Variants in CHRDL2 observed in about 807,000 individuals in gnomAD.
The protein encoded by CHRDL2 is chordin like 2, also known as chordin-like protein 2.
A neutral mutation model predicts 54.3 loss-of-function variants in CHRDL2; 41 were observed. The observed-to-expected ratio is 0.76, with a 90% CI of 0.59 to 0.98. The LOEUF (loss-of-function observed/expected upper bound fraction) is 0.98. CHRDL2 is among the 50% of genes least tolerant of loss of function. The probability of loss-of-function intolerance (pLI) is 0.00; values close to 1 mark genes in which losing one functional copy is unlikely to be tolerated. For missense variants in CHRDL2, 518 were observed against 562.4 expected (o/e 0.92, Z 0.80); for synonymous variants, 220 against 224.3 (o/e 0.98, Z 0.17).
chr11:74,700,649 T>A (rs547350333), intron 9 of CHRDL2, among the ~76,000 whole-genome samples: 112 of 141,436 alleles, frequency 7.9e-4, no homozygotes, highest in East Asian at 4.1e-3. Flanking sequence ...TATTATTTTT[T>A]TTTTTTTGAG....
chr11:74,703,909 C>T (rs1266921311), intron 7 of CHRDL2, among the ~76,000 whole-genome samples: 1 of 152,154 alleles, frequency 6.6e-6, no homozygotes, highest in Non-Finnish European at 1.5e-5. Flanking sequence ...TCAGTAGCCC[C>T]ATAGCTCTTC....
chr11:74,706,615 C>T, intron 5 of CHRDL2, 73 bp from the exon 6 acceptor site: 3 of 1,410,040 alleles, frequency 2.1e-6, no homozygotes, highest in South Asian at 2.3e-5. Flanking sequence ...GAGGCCTCCA[C>T]CTATAGGCTC....
At chr11:74,717,564 A>G (rs2034395004) in intron 2 of CHRDL2, among the ~76,000 whole-genome samples, 1 of 152,086 alleles carries the variant, frequency 6.6e-6, no homozygotes, top group Non-Finnish European at 1.5e-5. Flanking sequence ...AACACGGTAG[A>G]AGCAGTGGTG....
chr11:74,716,403 C>T (rs2034352672), intron 2 of CHRDL2, among the ~76,000 whole-genome samples: 1 of 151,906 alleles, frequency 6.6e-6, no homozygotes, highest in African/African-American at 2.4e-5. Context: ...GGCGTGGCAG[C>T]AGGTGCCTGT....
chr11:74,718,550 C>T (rs923223200), intron 2 of CHRDL2, among the ~76,000 whole-genome samples, 170 bp downstream of exon 2: 3 of 152,190 alleles, frequency 2.0e-5, no homozygotes, highest in African/African-American at 7.2e-5. Context: ...TACACAGTAG[C>T]CATCTAATCC....
At chr11:74,706,199 CA>C (rs2034004052) in intron 6 of CHRDL2, among the ~76,000 whole-genome samples, 1 of 152,114 alleles carries the variant, frequency 6.6e-6, no homozygotes, top group African/African-American at 2.4e-5. Flanking sequence ...GTAGATGGAA[CA>C]GTGTCAAAGT....
At position 74,696,751 on chromosome 11, in the gene CHRDL2, A is replaced by AT. The variant is rs574005905; in HGVS notation, c.1214-167dup. On this transcript the variant is annotated intron_variant, in intron 10 of 10. Coordinates refer to ENST00000376332, the MANE Select transcript of CHRDL2 (RefSeq NM_001278473.3). ...CGAGTGTGCCATCACACTGGGTGTG[A>AT]TGGGGCACATGACCCAGCTTTCAAA... 1.8e-3 allele frequency among the ~76,000 whole-genome samples: 273 copies of AT among 152,306 alleles called. 1 individual carries two copies. Among genetic ancestry groups the AT allele is most frequent in the Non-Finnish European group, 2.7e-3 (186 of 68,020 alleles).
intron 8 of CHRDL2, 31 bp downstream of exon 8, chr11:74,703,274 C>T (rs370901642): frequency 9.0e-6 from 14 of 1,559,350 alleles, no homozygotes; most frequent in South Asian, 2.4e-5. Flanking sequence ...CTCTGGCCAG[C>T]GCCCTCCTTG....
chr11:74,730,782 C>T (rs185861200), intron 1 of CHRDL2, 25 bp downstream of exon 1: 110 of 1,590,588 alleles, frequency 6.9e-5, no homozygotes, highest in Non-Finnish European at 8.0e-5. Context: ...CCTCCTCTGC[C>T]CACCCAGCCT....
At chr11:74,716,639 T>C (rs939684705) in intron 2 of CHRDL2, among the ~76,000 whole-genome samples, 10 of 151,364 alleles carry the variant, frequency 6.6e-5, no homozygotes, top group African/African-American at 2.4e-4. Flanking sequence ...TTAGGTCCAA[T>C]GAAAAGCTAT....
chr11:74,703,449 C>T lies in CHRDL2; in HGVS notation c.802G>A (p.Ala268Thr). ...TYSHGEVWHP[A>T]FRAFGPLPCI... ...GGCAAGGGGCCGAAGGCACGGAAGG[C>T]CGGGTGCCACACCTCCCCGTGGGAG... Residue 268 changes from alanine (A) to threonine (T), a missense_variant, in exon 8 of 11, where the codon GCC (alanine) becomes ACC (threonine). Ala to Thr is a moderately conservative substitution (Grantham distance 58). Coordinates refer to ENST00000376332, the MANE Select transcript of CHRDL2 (RefSeq NM_001278473.3). The T allele has an allele frequency of 4.3e-6, 7 of 1,612,150 alleles. No individual in the cohort carries two copies. Among genetic ancestry groups the T allele is most frequent in the Non-Finnish European group, 5.9e-6 (7 of 1,179,094 alleles).
intron 6 of CHRDL2, among the ~76,000 whole-genome samples, chr11:74,706,214 T>G (rs1308489550): frequency 6.6e-6 from 1 of 152,104 alleles, no homozygotes; most frequent in Admixed American, 6.5e-5. Flanking sequence ...TCAAAGTGTT[T>G]CTCAAGAGGA....
intron 10 of CHRDL2, among the ~76,000 whole-genome samples, chr11:74,696,894 A>T (rs1465635555): frequency 6.6e-6 from 1 of 152,232 alleles, no homozygotes; most frequent in Admixed American, 6.5e-5. Context: ...AAGGTATAGA[A>T]GGAAAGTGGA....
At chr11:74,712,114 CT>C (rs938516357) in intron 3 of CHRDL2, among the ~76,000 whole-genome samples, 2 of 151,178 alleles carry the variant, frequency 1.3e-5, no homozygotes, top group Admixed American at 6.6e-5. Flanking sequence ...CTGGCCAGAA[CT>C]TTTTTTTTAA....
chr11:74,716,909 C>T (rs994714743), intron 2 of CHRDL2, among the ~76,000 whole-genome samples: 1 of 151,956 alleles, frequency 6.6e-6, no homozygotes, highest in African/African-American at 2.4e-5. Flanking sequence ...CCTGGGCAAC[C>T]TGATGAAATC....
At chr11:74,702,668 T>C (rs1312006312) in intron 9 of CHRDL2, 126 bp downstream of exon 9, 13 of 909,776 alleles carry the variant, frequency 1.4e-5, no homozygotes, top group Non-Finnish European at 2.1e-5. Flanking sequence ...TCAGGGGCTC[T>C]TAAACCTGGC....
At chr11:74,724,477 G>A (rs2135277553) in intron 1 of CHRDL2, among the ~76,000 whole-genome samples, 1 of 152,350 alleles carries the variant, frequency 6.6e-6, no homozygotes, top group Admixed American at 6.5e-5. Flanking sequence ...CTATCATGAG[G>A]TGGCTCCTGC....
At chr11:74,720,748 C>T (rs1432872458) in intron 1 of CHRDL2, among the ~76,000 whole-genome samples, 1 of 152,204 alleles carries the variant, frequency 6.6e-6, no homozygotes, top group Non-Finnish European at 1.5e-5. Flanking sequence ...ACATTCAGTG[C>T]AGGAATTCCC....
rs114251243 is a variant in CHRDL2, at chr11:74,706,024, C to T, written c.582+463G>A. ...GATCAGAGACAGCTGTCCAGCTAAG[C>T]CCATCTTAACCTAGACCAAGCTTGA... On this transcript the variant is annotated intron_variant, in intron 6 of 10. Coordinates refer to ENST00000376332, the MANE Select transcript of CHRDL2 (RefSeq NM_001278473.3). 3.4e-3 allele frequency among the ~76,000 whole-genome samples: 517 copies of T among 152,220 alleles called. 3 individuals are homozygous for T. Among genetic ancestry groups the T allele is most frequent in the African/African-American group, 9.9e-3 (412 of 41,528 alleles).
Sources: allele counts gnomAD v4.1 joint callset (sites outside exome capture counted in the v4.1 genomes callset), GRCh38; gene constraint gnomAD v4.1.1; transcripts MANE v1.5; gene names NCBI Gene and HGNC (gene_info 2026-07-23, HGNC 2026-07-21).